LDLRAD2: variants seen among roughly 807,000 people sequenced by gnomAD.
LDLRAD2 encodes the protein low density lipoprotein receptor class A domain containing 2.
A neutral mutation model predicts 24.9 loss-of-function variants in LDLRAD2; 25 were observed. That is an observed-to-expected ratio of 1.00 (90% CI 0.73 to 1.40). LDLRAD2 has a LOEUF of 1.40. Ranked by LOEUF, LDLRAD2 falls within the 40% of genes most tolerant of loss-of-function variation. The pLI, the probability that LDLRAD2 is intolerant of heterozygous loss-of-function variation, is 0.00. For missense variants in LDLRAD2, 391 were observed against 366.2 expected (o/e 1.07, Z -0.55); for synonymous variants, 182 against 166.7 (o/e 1.09, Z -0.71).
chr1:21,816,146 G>C (rs1368170959), intron 3 of LDLRAD2, 72 bp downstream of exon 3: 2 of 1,571,944 alleles, frequency 1.3e-6, no homozygotes, highest in Non-Finnish European at 1.7e-6. Context: ...CCCTTCCCTA[G>C]GGCAGGGCCC....
chr1:21,825,066 A>G lies in LDLRAD2; in HGVS notation c.*2851A>G. 2.1e-6 allele frequency: 1 copy of G among 484,968 alleles called. No individual in the cohort carries two copies. The allele number at this position is 484,968 out of a possible 1,614,324, so 30.0% of individuals were successfully genotyped here. ...CAGTGGTAGGACCTGCAACTTTGTT[A>G]CTAGTATTTGCTTATCACATGACAG... On this transcript the variant is annotated 3_prime_UTR_variant, in exon 5 of 5. Coordinates refer to ENST00000344642, the MANE Select transcript of LDLRAD2 (RefSeq NM_001013693.3).
rs900796709 is a variant in LDLRAD2, at chr1:21,822,638, C to A, written c.*423C>A. On this transcript the variant is annotated 3_prime_UTR_variant, in exon 5 of 5. Coordinates refer to ENST00000344642, the MANE Select transcript of LDLRAD2 (RefSeq NM_001013693.3). ...AGCTCCTGGTAAGAGTTGGGGTGGG[C>A]CTTCCCTTACAGCCCCTGAGGGAGG... The A allele has an allele frequency of 1.5e-5, 3 of 195,294 alleles. No homozygotes were observed. Among genetic ancestry groups the A allele is most frequent in the Non-Finnish European group, 3.2e-5 (3 of 93,992 alleles). The allele number at this position is 195,294 out of a possible 1,614,324, so 12.1% of individuals were successfully genotyped here.
At chr1:21,818,269 C>T (rs1435973065) in intron 3 of LDLRAD2, among the ~76,000 whole-genome samples, 2 of 152,130 alleles carry the variant, frequency 1.3e-5, no homozygotes, top group Non-Finnish European at 2.9e-5. Flanking sequence ...GCCTTGGCCT[C>T]CCAAAGTGCT....
chr1:21,812,897 G>A (rs2097939996), intron 1 of LDLRAD2, among the ~76,000 whole-genome samples: 1 of 152,212 alleles, frequency 6.6e-6, no homozygotes, highest in Non-Finnish European at 1.5e-5. Flanking sequence ...TTCTTTGGCA[G>A]TAAAATGAAA....
chr1:21,815,887 G>T, intron 2 of LDLRAD2, 56 bp from the exon 3 acceptor site: 1 of 1,600,014 alleles, frequency 6.2e-7, no homozygotes. Flanking sequence ...CACACATCCT[G>T]CTGTGTCGTG....
Position 21,824,248 on chromosome 1 carries a change from G to T in LDLRAD2, c.*2033G>T, listed in dbSNP as rs535694981. 4.3e-6 allele frequency: 7 copies of T among 1,610,854 alleles called. No individual in the cohort carries two copies. The highest frequency in any genetic ancestry group is 5.9e-6 in the Non-Finnish European group (7 of 1,177,446). On this transcript the variant is annotated 3_prime_UTR_variant, in exon 5 of 5. Coordinates refer to ENST00000344642, the MANE Select transcript of LDLRAD2 (RefSeq NM_001013693.3). The surrounding 1 kb of genome is among the most constrained non-coding windows in gnomAD (Gnocchi z 5.9). ...AAGAAGTATGAGCTGGGGCAGGACC[G>T]GGGGGTGGGGTGCTGGGACCAGGGA... is the stretch of plus-strand genomic sequence containing the variant.
intron 3 of LDLRAD2, 106 bp downstream of exon 3, chr1:21,816,180 A>C: frequency 6.9e-7 from 1 of 1,457,298 alleles, no homozygotes; most frequent in Non-Finnish European, 9.2e-7. Flanking sequence ...GGAGAGAGGA[A>C]AGCGGAAGTG....
At chr1:21,817,957 A>G (rs1234685693) in intron 3 of LDLRAD2, among the ~76,000 whole-genome samples, 1 of 152,024 alleles carries the variant, frequency 6.6e-6, no homozygotes, top group Non-Finnish European at 1.5e-5. Context: ...GCTCACTGCA[A>G]CCTCTGCCTC....
chr1:21,813,439 G>C (rs998503581), intron 1 of LDLRAD2, among the ~76,000 whole-genome samples: 2 of 152,160 alleles, frequency 1.3e-5, no homozygotes, highest in African/African-American at 4.8e-5. Context: ...TCTGATGAAG[G>C]ATTTTTTCCT....
Position 21,814,490 on chromosome 1 carries a change from C to T in LDLRAD2, c.178C>T (p.Pro60Ser). 4 of 1,612,582 alleles carry T rather than the reference C, an allele frequency of 2.5e-6. No homozygotes were observed. The highest frequency in any genetic ancestry group is 3.4e-6 in the Non-Finnish European group (4 of 1,179,734). ...ATCGCGCAGGTTCTACTTCGTGGCT[C>T]CGGACACCGACTGCGGGCTCTGGGT... ...AASRRFYFVA[P>S]DTDCGLWVQA... The change falls in exon 2 of 5, where the codon CCG becomes TCG. Residue 60 changes from proline (P) to serine (S), a missense_variant. Coordinates refer to ENST00000344642, the MANE Select transcript of LDLRAD2 (RefSeq NM_001013693.3).
intron 3 of LDLRAD2, among the ~76,000 whole-genome samples, chr1:21,820,331 C>G (rs1009868920): frequency 1.3e-5 from 2 of 151,564 alleles, no homozygotes; most frequent in African/African-American, 2.4e-5. Context: ...GTCAGGAGAT[C>G]GAGACCACAG....
Position 21,812,358 on chromosome 1 carries a change from C to T in LDLRAD2, c.-94C>T, listed in dbSNP as rs2097939349. 2.2e-6 allele frequency: 2 copies of T among 925,370 alleles called. No homozygotes were observed. The highest frequency in any genetic ancestry group is 1.7e-6 in the Non-Finnish European group (1 of 577,698). 57.3% of individuals were successfully genotyped at this position (925,370 alleles called of 1,614,324 possible). A position where few individuals can be genotyped will look rare whatever the true frequency, so the allele number is the denominator to read the frequency against. ...TCCTTGTGTCCCACCAGCCTCCCTG[C>T]TGGCCTGACCAGGCCCCATACTCCA... is the stretch of plus-strand genomic sequence containing the variant. On this transcript the variant is annotated 5_prime_UTR_variant, in exon 1 of 5. Transcript: ENST00000344642.
intron 3 of LDLRAD2, among the ~76,000 whole-genome samples, chr1:21,819,776 TA>T (rs1048901990): frequency 1.3e-5 from 2 of 152,038 alleles, no homozygotes; most frequent in South Asian, 4.1e-4. Context: ...CGCATTGCTA[TA>T]AAAAAACACC....
At chr1:21,821,315 G>A in intron 3 of LDLRAD2, 135 bp from the exon 4 acceptor site, 1 of 1,175,938 alleles carries the variant, frequency 8.5e-7, no homozygotes. Flanking sequence ...ATTGAACTCG[G>A]CAAGTGACAA....
chr1:21,813,863 CTCTCCCCCTCCCCT>C (rs2097940928), intron 1 of LDLRAD2, among the ~76,000 whole-genome samples: 1 of 121,360 alleles, frequency 8.2e-6, no homozygotes, highest in African/African-American at 2.9e-5. Flanking sequence ...TATCACACAG[CTCTCCCCCTCCCCT>C]TTTTTTTTTT....
At chr1:21,821,915 G>T (rs1423381838) in intron 4 of LDLRAD2, 1 of 1,417,332 alleles carries the variant, frequency 7.1e-7, no homozygotes, top group African/African-American at 1.4e-5. Flanking sequence ...CTCCCCAGGG[G>T]GCTGCAGTTG....
At chr1:21,820,515 T>C (rs1176194181) in intron 3 of LDLRAD2, among the ~76,000 whole-genome samples, 3 of 105,946 alleles carry the variant, frequency 2.8e-5, no homozygotes, top group Non-Finnish European at 1.7e-5. Flanking sequence ...AGAGCGAGAC[T>C]CCGTCTCAAA....
intron 3 of LDLRAD2, among the ~76,000 whole-genome samples, chr1:21,816,889 G>C (rs34221978): frequency 6.6e-6 from 1 of 151,822 alleles, no homozygotes; most frequent in African/African-American, 2.4e-5. Flanking sequence ...CATTTATATC[G>C]TATCACCTGT....
intron 3 of LDLRAD2, among the ~76,000 whole-genome samples, chr1:21,816,954 C>A (rs1183907420): frequency 6.6e-6 from 1 of 152,144 alleles, no homozygotes; most frequent in Non-Finnish European, 1.5e-5. Context: ...AGCATCTCTG[C>A]GTGGATGTAT....
Sources: allele counts gnomAD v4.1 joint callset (sites outside exome capture counted in the v4.1 genomes callset), GRCh38; gene constraint gnomAD v4.1.1; non-coding constraint Gnocchi (gnomAD v3.1); transcripts MANE v1.5; gene names NCBI Gene and HGNC (gene_info 2026-07-23, HGNC 2026-07-21).